Variants in EHMT1 observed in about 807,000 individuals in gnomAD.
EHMT1 encodes the protein histone-lysine N-methyltransferase EHMT1.
A neutral mutation model predicts 147.2 loss-of-function variants in EHMT1; 15 were observed. The ratio of observed to expected loss-of-function variants is 0.10; its 90% CI spans 0.07 to 0.16. The LOEUF (loss-of-function observed/expected upper bound fraction) is 0.16, where lower values mean the gene tolerates loss of function less well. Among genes scored for constraint, EHMT1 ranks in the 10% least tolerant of loss-of-function variants. The probability of loss-of-function intolerance (pLI) is 1.00; values close to 1 mark genes in which losing one functional copy is unlikely to be tolerated. For missense variants in EHMT1, 1,587 were observed against 1,772.4 expected, an observed-to-expected ratio of 0.90 and a Z score of 1.88; for synonymous variants, 795 against 709.6, an observed-to-expected ratio of 1.12 and a Z score of -1.91.
chr9:137,803,647 A>G (rs1352984111), intron 18 of EHMT1, among the ~76,000 whole-genome samples: 1 of 152,112 alleles, frequency 6.6e-6, no homozygotes, highest in Non-Finnish European at 1.5e-5. Flanking sequence ...CCCTGGGAGT[A>G]GAATGGTTAG....
chr9:137,702,064 G>T (rs1441899022), intron 1 of EHMT1, among the ~76,000 whole-genome samples: 1 of 152,166 alleles, frequency 6.6e-6, no homozygotes, highest in Non-Finnish European at 1.5e-5. Flanking sequence ...AAAGTGCTGA[G>T]ATTACAGATG....
intron 1 of EHMT1, among the ~76,000 whole-genome samples, chr9:137,621,552 T>C (rs182583070): frequency 5.3e-4 from 80 of 152,020 alleles, no homozygotes; most frequent in African/African-American, 1.9e-3. Flanking sequence ...ACAAAAATTA[T>C]CTGGGCATAG....
chr9:137,645,782 C>T (rs1453809195), intron 1 of EHMT1, among the ~76,000 whole-genome samples: 1 of 151,652 alleles, frequency 6.6e-6, no homozygotes, highest in Non-Finnish European at 1.5e-5. Flanking sequence ...GGCCTCAGAC[C>T]CTTGAAACAT....
intron 25 of EHMT1, among the ~76,000 whole-genome samples, chr9:137,827,440 G>A (rs1174861213): frequency 5.2e-5 from 6 of 115,584 alleles, no homozygotes; most frequent in East Asian, 8.8e-4. Flanking sequence ...TCTGACCCAC[G>A]CCCGGACCCC....
intron 3 of EHMT1, among the ~76,000 whole-genome samples, chr9:137,723,837 C>T (rs897023945): frequency 7.2e-5 from 11 of 152,216 alleles, no homozygotes; most frequent in East Asian, 1.9e-4. Flanking sequence ...GGTGTTGTCA[C>T]GGCTGCAGTC....
chr9:137,642,525 TG>T (rs1371330117), intron 1 of EHMT1, among the ~76,000 whole-genome samples: 5 of 152,234 alleles, frequency 3.3e-5, no homozygotes, highest in Non-Finnish European at 5.9e-5. Flanking sequence ...TTAATTCCCT[TG>T]CTGTTTATTT....
intron 2 of EHMT1, among the ~76,000 whole-genome samples, chr9:137,712,789 C>A (rs988784254): frequency 1.3e-5 from 2 of 152,134 alleles, no homozygotes; most frequent in African/African-American, 2.4e-5. Flanking sequence ...GTCCGACTTA[C>A]CTGTTTTTTT....
intron 18 of EHMT1, among the ~76,000 whole-genome samples, chr9:137,805,050 CAT>C (rs898877580): frequency 2.5e-4 from 37 of 150,796 alleles, no homozygotes; most frequent in African/African-American, 6.9e-4. Context: ...CAGTCGTCCA[CAT>C]GTGTCAGTCC....
At chr9:137,627,824 C>T (rs572675208) in intron 1 of EHMT1, among the ~76,000 whole-genome samples, 2 of 152,088 alleles carry the variant, frequency 1.3e-5, no homozygotes, top group South Asian at 4.2e-4. Context: ...CCTCATTACC[C>T]CCCCACCCCC....
chr9:137,723,745 G>C (rs968865494), intron 3 of EHMT1, among the ~76,000 whole-genome samples: 2 of 152,180 alleles, frequency 1.3e-5, no homozygotes, highest in Non-Finnish European at 2.9e-5. Flanking sequence ...TGAAAATTAC[G>C]TTTTAAAAAG....
rs1564768555 is a variant in EHMT1 at position 137,790,958 on chromosome 9, G to C, written c.2493G>C (p.Leu831=). 7.4e-6 allele frequency: 12 copies of C among 1,614,190 alleles called. No homozygotes were observed. Among genetic ancestry groups the C allele is most frequent in the Middle Eastern group, 1.6e-4 (1 of 6,062 alleles). Residue 831 remains leucine, a synonymous_variant, in exon 16 of 27, where the codon CTG becomes CTC. Coordinates refer to ENST00000460843, the MANE Select transcript of EHMT1 (RefSeq NM_024757.5). ...AGTACCTCATCAAGGCTGGGGCCCT[G>C]GTGGATCCCAAGGTATGTTCCCCTG... is the stretch of plus-strand genomic sequence containing the variant. ...AVKYLIKAGA[L]VDPKDAEGST... is the part of the protein sequence containing the mutation.
At chr9:137,644,264 G>C (rs1844723021) in intron 1 of EHMT1, among the ~76,000 whole-genome samples, 1 of 152,138 alleles carries the variant, frequency 6.6e-6, no homozygotes, top group African/African-American at 2.4e-5. Flanking sequence ...TTGTGTGCTG[G>C]TAAAACTGGA....
chr9:137,621,807 G>A (rs975556642), intron 1 of EHMT1, among the ~76,000 whole-genome samples: 15 of 151,886 alleles, frequency 9.9e-5, no homozygotes, highest in Non-Finnish European at 4.4e-5. Flanking sequence ...GGCTTTCTCA[G>A]GCAAGTAGCA....
rs530114976 is a variant in EHMT1, at chr9:137,731,437, T to C, written c.823+2908T>C. ...TGCCTTGTCTTGTGATGGTCATCAG[T>C]GCACCTTTCAACATGGCTGGAAAGA... is the stretch of plus-strand genomic sequence containing the variant. On this transcript the variant is annotated intron_variant, in intron 4 of 26. Transcript: ENST00000460843. The surrounding 1 kb of genome is among the most constrained non-coding windows in gnomAD (Gnocchi z 4.3). 1.3e-5 allele frequency among the ~76,000 whole-genome samples: 2 copies of C among 152,302 alleles called. No homozygotes were observed. The highest frequency in any genetic ancestry group is 4.8e-5 in the African/African-American group (2 of 41,568).
chr9:137,829,366 G>A (rs922254174), intron 25 of EHMT1, among the ~76,000 whole-genome samples: 1 of 152,218 alleles, frequency 6.6e-6, no homozygotes, highest in Non-Finnish European at 1.5e-5. Context: ...AGAGAATCAG[G>A]AGAGTGGAGA....
At position 137,778,008 on chromosome 9, in the gene EHMT1, A is replaced by G. The variant is rs777279031; in HGVS notation, c.2145A>G (p.Pro715=). The change falls in exon 13 of 27, where the codon CCA becomes CCG. Residue 715 remains proline (P), a synonymous_variant. Coordinates refer to ENST00000460843, the MANE Select transcript of EHMT1 (RefSeq NM_024757.5). The part of the protein sequence containing the change: ...GRPTPGLSQG[P]GKETLESALI... ...CAACTCCCGGCCTTTCCCAGGGACC[A>G]GGGAAGGAAACCTTGGAGAGCGCTC... The G allele has an allele frequency of 1.9e-6, 3 of 1,613,772 alleles. No individual in the cohort carries two copies. The highest frequency in any genetic ancestry group is 1.3e-5 in the African/African-American group (1 of 74,910).
chr9:137,729,789 T>C (rs1946948152), intron 4 of EHMT1, among the ~76,000 whole-genome samples: 1 of 152,130 alleles, frequency 6.6e-6, no homozygotes, highest in Non-Finnish European at 1.5e-5. Flanking sequence ...AAAACTAATG[T>C]TATTTCCTAA....
At chr9:137,780,083 GGTGATGATGCTGAGAT>G (rs1446009040) in intron 14 of EHMT1, among the ~76,000 whole-genome samples, 1 of 144,314 alleles carries the variant, frequency 6.9e-6, no homozygotes, top group Non-Finnish European at 1.5e-5. Flanking sequence ...TGAGATGTAT[GGTGATGATGCTGAGAT>G]GTGATGACGC....
At chr9:137,655,221 C>T (rs959468905) in intron 1 of EHMT1, among the ~76,000 whole-genome samples, 6 of 151,770 alleles carry the variant, frequency 4.0e-5, no homozygotes. Flanking sequence ...CACCATTTTT[C>T]GGCCAGGCTG....
Sources: allele counts gnomAD v4.1 joint callset (sites outside exome capture counted in the v4.1 genomes callset), GRCh38; gene constraint gnomAD v4.1.1; non-coding constraint Gnocchi (gnomAD v3.1); transcripts MANE v1.5; gene names NCBI Gene and HGNC (gene_info 2026-07-23, HGNC 2026-07-21).